Variants in SMARCAL1 observed in about 807,000 individuals in gnomAD.
SMARCAL1 encodes SNF2 related chromatin remodeling annealing helicase 1.
A neutral mutation model predicts 94.5 loss-of-function variants in SMARCAL1; 58 were observed. The observed-to-expected ratio is 0.61, with a 90% CI of 0.50 to 0.76. SMARCAL1 has a LOEUF of 0.76. Among genes scored for constraint, SMARCAL1 ranks in the 30% least tolerant of loss-of-function variants. The probability of loss-of-function intolerance (pLI) is 0.00; values close to 1 mark genes in which losing one functional copy is unlikely to be tolerated. For missense variants in SMARCAL1, 1,051 were observed against 1,177.9 expected (o/e 0.89, Z 1.58); for synonymous variants, 422 against 455.1 (o/e 0.93, Z 0.93).
intron 12 of SMARCAL1, among the ~76,000 whole-genome samples, chr2:216,456,277 T>G (rs1288701129): frequency 6.6e-6 from 1 of 152,206 alleles, no homozygotes; most frequent in Non-Finnish European, 1.5e-5. Context: ...CTCTGCAGGA[T>G]ATTATCCAGG....
At chr2:216,449,942 A>G (rs1694407104) in intron 11 of SMARCAL1, among the ~76,000 whole-genome samples, 1 of 151,994 alleles carries the variant, frequency 6.6e-6, no homozygotes, top group Non-Finnish European at 1.5e-5. Flanking sequence ...GGTTCAAGCA[A>G]TTGTCCTGCC....
chr2:216,474,462 A>T (rs1198090998), intron 14 of SMARCAL1, among the ~76,000 whole-genome samples: 1 of 150,344 alleles, frequency 6.7e-6, no homozygotes, highest in African/African-American at 2.4e-5. Flanking sequence ...TTGAAAAAAA[A>T]AAAAAAAATT....
chr2:216,445,222 C>A (rs1694282826), intron 10 of SMARCAL1, among the ~76,000 whole-genome samples: 1 of 152,144 alleles, frequency 6.6e-6, no homozygotes, highest in African/African-American at 2.4e-5. Flanking sequence ...GTGTTAAAAG[C>A]CCTTGTGGGT....
intron 8 of SMARCAL1, among the ~76,000 whole-genome samples, chr2:216,434,300 G>A (rs1386703850): frequency 6.6e-6 from 1 of 152,122 alleles, no homozygotes; most frequent in Non-Finnish European, 1.5e-5. Flanking sequence ...CAGATGCCTG[G>A]GTGGGTTTGG....
At chr2:216,423,409 A>T (rs1297564835) in intron 5 of SMARCAL1, among the ~76,000 whole-genome samples, 1 of 152,124 alleles carries the variant, frequency 6.6e-6, no homozygotes, top group Non-Finnish European at 1.5e-5. Flanking sequence ...CTTACAACCC[A>T]GTGTTGTCAG....
chr2:216,431,225 C>G (rs1693957014), intron 7 of SMARCAL1, among the ~76,000 whole-genome samples: 1 of 152,238 alleles, frequency 6.6e-6, no homozygotes, highest in African/African-American at 2.4e-5. Context: ...TCAGAAAGGG[C>G]AAGTGCAGCC....
chr2:216,474,744 G>A (rs1045473728), intron 14 of SMARCAL1, among the ~76,000 whole-genome samples: 1 of 151,940 alleles, frequency 6.6e-6, no homozygotes, highest in Non-Finnish European at 1.5e-5. Flanking sequence ...TGACAAGAGT[G>A]AAACTTCATC....
In SMARCAL1 at chr2:216,483,018, T is replaced by C; in HGVS notation, c.*41T>C. 2 of 1,607,668 alleles carry C rather than the reference T, an allele frequency of 1.2e-6. No homozygotes were observed. Among genetic ancestry groups the C allele is most frequent in the Non-Finnish European group, 8.5e-7 (1 of 1,176,990 alleles). On this transcript the variant is annotated 3_prime_UTR_variant, in exon 18 of 18. Transcript: ENST00000357276. Reference sequence around the variant, plus strand: ...AAAAATAAAAAGCATTTTAAAATCATGGAATTGAAATAAAATAATGTATTT... The same window carrying C: ...AAAAATAAAAAGCATTTTAAAATCACGGAATTGAAATAAAATAATGTATTT...
intron 14 of SMARCAL1, among the ~76,000 whole-genome samples, chr2:216,469,339 T>TAGCACGACCTTGGCTCACTGCA (rs1361713781): frequency 6.8e-6 from 1 of 146,442 alleles, no homozygotes; most frequent in Non-Finnish European, 1.5e-5. Context: ...TGGAGTGCAG[T>TAGCACGACCTTGGCTCACTGCA]AGCACGACCT....
At chr2:216,471,926 TGGA>T (rs1694974946) in intron 14 of SMARCAL1, among the ~76,000 whole-genome samples, 4 of 152,234 alleles carry the variant, frequency 2.6e-5, no homozygotes, top group Admixed American at 2.6e-4. Flanking sequence ...TTCCTAACTT[TGGA>T]GATCATTGAA....
intron 10 of SMARCAL1, among the ~76,000 whole-genome samples, chr2:216,443,952 G>A (rs891403504): frequency 3.3e-5 from 5 of 152,204 alleles, no homozygotes; most frequent in Admixed American, 6.5e-5. Context: ...TTAGGCTTTC[G>A]ATTTAACTAC....
intron 8 of SMARCAL1, among the ~76,000 whole-genome samples, chr2:216,434,526 A>G (rs1465578665): frequency 2.0e-5 from 3 of 152,162 alleles, no homozygotes; most frequent in African/African-American, 7.2e-5. Context: ...AGACACTGTG[A>G]AGTGACTGTT....
At chr2:216,416,430 C>T (rs891570714) in intron 4 of SMARCAL1, 123 bp downstream of exon 4, 4 of 795,768 alleles carry the variant, frequency 5.0e-6, no homozygotes, top group Admixed American at 3.7e-5. Flanking sequence ...TCAGGGCACC[C>T]CCCCCAACAC....
At chr2:216,454,185 A>C (rs1333604101) in intron 12 of SMARCAL1, among the ~76,000 whole-genome samples, 1 of 152,254 alleles carries the variant, frequency 6.6e-6, no homozygotes, top group Non-Finnish European at 1.5e-5. Flanking sequence ...GGAACAAAGA[A>C]TGCAGGTTAT....
rs531738283 is a variant in SMARCAL1, at chr2:216,416,475, C to G, written c.862+168C>G. Among the ~76,000 whole-genome samples the G allele has an allele frequency of 4.2e-4, 64 of 152,328 alleles. No individual in the cohort carries two copies. The Middle Eastern group carries it at 0.01, about 24-fold the overall frequency. ...CTCTGTCTAGCCTAATGAGGCAGCTCTGTGGGTGAAGGCCGTTAGTAGTAT... is the reference window on the plus strand; with the variant it reads ...CTCTGTCTAGCCTAATGAGGCAGCTGTGTGGGTGAAGGCCGTTAGTAGTAT... On this transcript the variant is annotated intron_variant, in intron 4 of 17. Coordinates refer to ENST00000357276, the MANE Select transcript of SMARCAL1 (RefSeq NM_014140.4).
chr2:216,441,875 T>C (rs571635846), intron 10 of SMARCAL1, among the ~76,000 whole-genome samples: 1 of 152,148 alleles, frequency 6.6e-6, no homozygotes, highest in African/African-American at 2.4e-5. Context: ...TTTTTTGGTT[T>C]AGTTTAGTTG....
In SMARCAL1 at chr2:216,475,032, G is replaced by A. The variant is rs976375464; in HGVS notation, c.2245-237G>A. ...TATTATACTATAGTTTTTATAGAAT[G>A]TTACCACTGCAGGAAACTGGGCAAA... On this transcript the variant is annotated intron_variant, in intron 14 of 17. Coordinates refer to ENST00000357276, the MANE Select transcript of SMARCAL1 (RefSeq NM_014140.4). This position sits in a 1 kb window ranked among gnomAD's most constrained non-coding sequence, Gnocchi z 4.4. 6.6e-5 allele frequency among the ~76,000 whole-genome samples: 10 copies of A among 152,196 alleles called. No individual in the cohort carries two copies. The highest frequency in any genetic ancestry group is 2.4e-4 in the African/African-American group (10 of 41,442).
intron 4 of SMARCAL1, among the ~76,000 whole-genome samples, chr2:216,417,389 C>G (rs1693625200): frequency 6.6e-6 from 1 of 152,190 alleles, no homozygotes; most frequent in Non-Finnish European, 1.5e-5. Context: ...AGGCTGGAAG[C>G]CTGAGATTGG....
rs754516841 is a variant in SMARCAL1, at chr2:216,420,422, C to A, written c.986C>A (p.Ser329Ter). ...QAGLPSAPSL[S>*]FVKGRCMLIS... ...GGCCTTCCATCAGCTCCATCCCTTT[C>A]ATTTGTCAAAGGGCGATGCATGCTC... The change falls in exon 5 of 18, where the codon TCA (serine) becomes TAA (stop). Residue 329 changes from serine (S) to a stop codon, truncating the protein, a stop_gained. Coordinates refer to ENST00000357276, the MANE Select transcript of SMARCAL1 (RefSeq NM_014140.4). LOFTEE classifies it high-confidence loss of function. 6.2e-7 allele frequency: 1 copy of A among 1,614,162 alleles called. No individual in the cohort carries two copies. The highest frequency in any genetic ancestry group is 8.5e-7 in the Non-Finnish European group (1 of 1,179,992).
Sources: gnomAD v4.1 joint callset for allele counts (sites outside exome capture counted in the v4.1 genomes callset) on GRCh38, gnomAD v4.1.1 for gene constraint, Gnocchi (gnomAD v3.1) non-coding constraint, MANE v1.5 for transcripts, NCBI Gene and HGNC (gene_info 2026-07-23, HGNC 2026-07-21) for gene names.